The following RASGRF1 variants were observed in gnomAD, a reference collection of about 807,000 sequenced individuals.
RASGRF1 encodes the protein Ras protein specific guanine nucleotide releasing factor 1, also known as ras-specific guanine nucleotide-releasing factor 1.
RASGRF1 carries 40 observed loss-of-function variants against 138.7 expected under a neutral mutation model. The observed-to-expected ratio is 0.29, with a 90% CI of 0.22 to 0.38. RASGRF1 has a LOEUF of 0.38. Ranked by LOEUF, RASGRF1 falls within the 10% of genes least tolerant of loss-of-function variation. The pLI, the probability that RASGRF1 is intolerant of heterozygous loss-of-function variation, is 1.00. For missense variants in RASGRF1, 1,108 were observed against 1,650.4 expected (o/e 0.67, Z 5.69); for synonymous variants, 614 against 663.2 (o/e 0.93, Z 1.14).
chr15:78,990,167 AG>A, intron 22 of RASGRF1, 21 bp downstream of exon 22: 6 of 1,538,764 alleles, frequency 3.9e-6, no homozygotes, highest in Non-Finnish European at 5.4e-6. Context: ...CCAGTGAGAG[AG>A]GCGCTCCCAT....
chr15:79,019,007 A>G (rs1384823423), intron 11 of RASGRF1, among the ~76,000 whole-genome samples: 1 of 152,050 alleles, frequency 6.6e-6, no homozygotes, highest in Non-Finnish European at 1.5e-5. Flanking sequence ...CCTTATTGGA[A>G]GGGCATGAGG....
intron 3 of RASGRF1, among the ~76,000 whole-genome samples, chr15:79,054,141 C>T: frequency 6.6e-6 from 1 of 152,150 alleles, no homozygotes. Context: ...GGCCAATGGC[C>T]AATGGTAGAA....
chr15:79,056,413 C>T (rs181677902), intron 3 of RASGRF1, among the ~76,000 whole-genome samples: 1 of 152,176 alleles, frequency 6.6e-6, no homozygotes, highest in Admixed American at 6.5e-5. Flanking sequence ...CCAGAATGAA[C>T]TGGGTGGGCC....
In RASGRF1 at chr15:79,021,746, C is replaced by T. The variant is rs549391911; in HGVS notation, c.1543-1642G>A. 6.6e-5 allele frequency among the ~76,000 whole-genome samples: 10 copies of T among 152,280 alleles called. No homozygotes were observed. The East Asian group carries it at 1.9e-3, about 29-fold the overall frequency. On this transcript the variant is annotated intron_variant, in intron 10 of 26. Transcript: ENST00000558480. ...TGCCACGTGCTGGCTTCTTCTGTCT[C>T]ACTTCCCTTGTCTATATAAAATGGG... is the stretch of plus-strand genomic sequence containing the variant.
chr15:78,989,801 C>T (rs1467167278), intron 22 of RASGRF1, among the ~76,000 whole-genome samples: 1 of 152,186 alleles, frequency 6.6e-6, no homozygotes, highest in Non-Finnish European at 1.5e-5. Context: ...ATAGCAAGGT[C>T]TTCATTCCTT....
chr15:79,010,853 G>A (rs1306564364), intron 13 of RASGRF1, among the ~76,000 whole-genome samples: 3 of 152,164 alleles, frequency 2.0e-5, no homozygotes, highest in East Asian at 1.9e-4. Context: ...GACCTGAGAC[G>A]CTGACCGCTA....
Position 79,003,818 on chromosome 15 carries a change from T to C in RASGRF1, c.2433A>G (p.Ser811=), listed in dbSNP as rs1032662244. ...DTTPEKPEDP[S]ALSKQSSEVS... is the part of the protein sequence containing the mutation. The stretch of plus-strand genomic sequence containing the variant: ...GCCACTCACTCTGCTTGCTGAGCGC[T>C]GAAGGGTCTTCGGGCTTCTCAGGGG... The change falls in exon 15 of 27, where the codon TCA becomes TCG. Residue 811 remains serine (S), a synonymous_variant. Transcript: ENST00000558480. The C allele has an allele frequency of 6.2e-7, 1 of 1,604,260 alleles. No individual in the cohort carries two copies. The highest frequency in any genetic ancestry group is 1.3e-5 in the African/African-American group (1 of 74,806).
chr15:78,999,097 G>A (rs577812238), intron 17 of RASGRF1, among the ~76,000 whole-genome samples: 3 of 152,110 alleles, frequency 2.0e-5, no homozygotes, highest in African/African-American at 7.2e-5. Flanking sequence ...TCCCAAGACA[G>A]AGCCACGCAG....
At position 79,032,009 on chromosome 15, in the gene RASGRF1, C is replaced by T. The variant is rs1481498421; in HGVS notation, c.1152+114G>A. ...TGCTGGCCCTGACCACCTCCCCCGCCCCCTTTGGCAGCCCAGAGCTGGGGT... is the reference window on the plus strand; with the variant it reads ...TGCTGGCCCTGACCACCTCCCCCGCTCCCTTTGGCAGCCCAGAGCTGGGGT... On this transcript the variant is annotated intron_variant, in intron 7 of 26. Coordinates refer to ENST00000558480, the MANE Select transcript of RASGRF1 (RefSeq NM_001145648.3). This position sits in a 1 kb window ranked among gnomAD's most constrained non-coding sequence, Gnocchi z 4.5. 6 of 1,297,580 alleles carry T rather than the reference C, an allele frequency of 4.6e-6. No individual in the cohort carries two copies. The Admixed American group carries it at 7.2e-5, about 16-fold the overall frequency. 80.4% of individuals were successfully genotyped at this position (1,297,580 alleles called of 1,614,324 possible).
chr15:79,056,776 G>A (rs1034666221), intron 3 of RASGRF1, among the ~76,000 whole-genome samples: 1 of 152,240 alleles, frequency 6.6e-6, no homozygotes, highest in Admixed American at 6.5e-5. Context: ...AGGTGAAATT[G>A]TTGGCTTTAG....
At chr15:79,047,136 A>G (rs2057365829) in intron 4 of RASGRF1, 137 bp from the exon 5 acceptor site, 3 of 1,080,482 alleles carry the variant, frequency 2.8e-6, no homozygotes, top group Non-Finnish European at 3.9e-6. Flanking sequence ...AAAAGAGCTC[A>G]GATGTAGACC....
intron 26 of RASGRF1, among the ~76,000 whole-genome samples, chr15:78,965,128 A>G (rs1360574264): frequency 6.6e-6 from 1 of 152,204 alleles, no homozygotes; most frequent in Non-Finnish European, 1.5e-5. Flanking sequence ...CCCTAGGAGA[A>G]GGATCATGGG....
At chr15:79,028,273 C>T (rs2057089318) in intron 8 of RASGRF1, among the ~76,000 whole-genome samples, 1 of 152,136 alleles carries the variant, frequency 6.6e-6, no homozygotes, top group East Asian at 1.9e-4. Flanking sequence ...GCCTTATTCC[C>T]ATCCCAAGAG....
At chr15:79,058,172 T>C (rs992143906) in intron 3 of RASGRF1, among the ~76,000 whole-genome samples, 162 bp downstream of exon 3, 3 of 152,214 alleles carry the variant, frequency 2.0e-5, no homozygotes, top group Admixed American at 2.0e-4. Flanking sequence ...CCACAGGACC[T>C]TCTCATTCTG....
rs546653050 is a variant in RASGRF1 at position 78,998,140 on chromosome 15, C to T, written c.2922G>A (p.Pro974=). ...CCTTCCGCTCCTGGGTCAGGAGCTC[C>T]GGGTCGTGCATGACTTCTTCCAGGA... The part of the protein sequence containing the change: ...IGFLEEVMHD[P]ELLTQERKAA... The change falls in exon 19 of 27, where the codon CCG becomes CCA. Residue 974 remains proline (P), a synonymous_variant. Transcript: ENST00000558480. The T allele has an allele frequency of 5.5e-5, 88 of 1,614,156 alleles. 1 individual carries two copies. Among genetic ancestry groups the T allele is most frequent in the South Asian group, 4.9e-4 (45 of 91,084 alleles).
rs1445219819 is a variant in RASGRF1 at position 79,073,371 on chromosome 15, G to C, written c.277-8845C>G. On this transcript the variant is annotated intron_variant, in intron 1 of 26. Coordinates refer to ENST00000558480, the MANE Select transcript of RASGRF1 (RefSeq NM_001145648.3). The surrounding 1 kb of genome is among the most constrained non-coding windows in gnomAD (Gnocchi z 4.2). ...CCCTTAACTGGACTGGAGCCAGGTA[G>C]AGCAAGGGCTCCCCAAACTGCCCCA... Among the ~76,000 whole-genome samples the C allele has an allele frequency of 6.6e-6, 1 of 152,134 alleles. No homozygotes were observed. Among genetic ancestry groups the C allele is most frequent in the Admixed American group, 6.5e-5 (1 of 15,268 alleles).
At chr15:78,983,959 G>A (rs968828317) in intron 23 of RASGRF1, among the ~76,000 whole-genome samples, 3 of 152,222 alleles carry the variant, frequency 2.0e-5, no homozygotes, top group Non-Finnish European at 4.4e-5. Flanking sequence ...AGGGGCTGGA[G>A]TGACCAGAAG....
At chr15:78,983,358 A>T (rs1407300706) in intron 23 of RASGRF1, among the ~76,000 whole-genome samples, 1 of 152,222 alleles carries the variant, frequency 6.6e-6, no homozygotes, top group East Asian at 1.9e-4. Context: ...GACATCCTAG[A>T]ACACAGGCTG....
At chr15:78,991,865 C>T (rs2056275421) in intron 20 of RASGRF1, 71 bp from the exon 21 acceptor site, 2 of 1,272,644 alleles carry the variant, frequency 1.6e-6, no homozygotes, top group Non-Finnish European at 1.1e-6. Flanking sequence ...TCCCAGCTGC[C>T]TCTGTGGGGG....
Sources: allele counts gnomAD v4.1 joint callset (sites outside exome capture counted in the v4.1 genomes callset), GRCh38; gene constraint gnomAD v4.1.1; non-coding constraint Gnocchi (gnomAD v3.1); transcripts MANE v1.5; gene names NCBI Gene and HGNC (gene_info 2026-07-23, HGNC 2026-07-21).